MALRD1: variants seen among roughly 807,000 people sequenced by gnomAD.
MALRD1 encodes the protein MAM and LDL-receptor class A domain-containing protein 1.
Under a neutral mutation model 242.1 loss-of-function variants are expected in MALRD1, and 247 were observed. The observed-to-expected ratio is 1.02, with a 90% confidence interval of 0.92 to 1.13. The LOEUF (loss-of-function observed/expected upper bound fraction) is 1.13. Ranked by LOEUF, MALRD1 falls within the 50% of genes most tolerant of loss-of-function variation. MALRD1 has a pLI of 0.00. For synonymous variants in MALRD1, 995 were observed against 866.6 expected (o/e 1.15, Z -2.60); for missense variants, 2,989 against 2,533.1 (o/e 1.18, Z -3.86).
intron 38 of MALRD1, among the ~76,000 whole-genome samples, chr10:19,727,339 C>T (rs1214002620): frequency 1.3e-5 from 2 of 152,038 alleles, no homozygotes; most frequent in Non-Finnish European, 2.9e-5. Context: ...ATTATAAACA[C>T]TTCCATGCTT....
At chr10:19,385,080 G>C (rs1846021051) in intron 26 of MALRD1, among the ~76,000 whole-genome samples, 1 of 151,868 alleles carries the variant, frequency 6.6e-6, no homozygotes, top group African/African-American at 2.4e-5. Flanking sequence ...ATTTGCTGAT[G>C]TTAAACTATT....
intron 31 of MALRD1, among the ~76,000 whole-genome samples, chr10:19,502,231 A>G (rs948637128): frequency 6.6e-6 from 1 of 151,922 alleles, no homozygotes; most frequent in Non-Finnish European, 1.5e-5. Flanking sequence ...TCAATTTTAC[A>G]TTACTAAATA....
At position 19,156,926 on chromosome 10, in the gene MALRD1, A is replaced by G. The variant is rs549614971; in HGVS notation, c.1656+1754A>G. 1.4e-4 allele frequency among the ~76,000 whole-genome samples: 22 copies of G among 152,288 alleles called. No homozygotes were observed. In the South Asian group the frequency reaches 3.9e-3, roughly 27 times the overall value. On this transcript the variant is annotated intron_variant, in intron 12 of 39. Coordinates refer to ENST00000454679, the MANE Select transcript of MALRD1 (RefSeq NM_001142308.3). ...GGACATTTTGGGTGCTTGGTAGTTTATCTCAAAACCAAGGCTTCGATCTCT... is the reference window on the plus strand; with the variant it reads ...GGACATTTTGGGTGCTTGGTAGTTTGTCTCAAAACCAAGGCTTCGATCTCT...
intron 21 of MALRD1, among the ~76,000 whole-genome samples, chr10:19,309,827 C>A (rs1842355233): frequency 6.6e-6 from 1 of 151,266 alleles, no homozygotes; most frequent in South Asian, 2.1e-4. Context: ...TAATTAGGGC[C>A]CAGGCGGGAA....
At chr10:19,258,807 C>T (rs16918417) in intron 19 of MALRD1, among the ~76,000 whole-genome samples, 2,314 of 152,208 alleles carry the variant, frequency 0.015, 63 homozygotes, top group African/African-American at 0.053. Flanking sequence ...AACAAATTTA[C>T]CCTTACCTCT....
At chr10:19,134,922 T>C (rs1478674133) in intron 9 of MALRD1, among the ~76,000 whole-genome samples, 1 of 152,158 alleles carries the variant, frequency 6.6e-6, no homozygotes, top group Admixed American at 6.5e-5. Flanking sequence ...CTCAAATTGA[T>C]ATCATTTCTG....
At chr10:19,423,222 G>A (rs960096827) in intron 28 of MALRD1, among the ~76,000 whole-genome samples, 1 of 151,988 alleles carries the variant, frequency 6.6e-6, no homozygotes, top group South Asian at 2.1e-4. Flanking sequence ...CTAGGATATT[G>A]TACACACCTA....
At chr10:19,491,462 A>G (rs1837488723) in intron 29 of MALRD1, 55 bp from the exon 30 acceptor site, 26 of 1,528,056 alleles carry the variant, frequency 1.7e-5, no homozygotes, top group Non-Finnish European at 2.2e-5. Flanking sequence ...AGGAATCTTC[A>G]AGTCTAATGA....
intron 28 of MALRD1, among the ~76,000 whole-genome samples, chr10:19,420,046 C>T (rs1001958045): frequency 3.3e-5 from 5 of 152,246 alleles, no homozygotes; most frequent in African/African-American, 1.2e-4. Flanking sequence ...AGGCAAGATA[C>T]TTCTATAGAA....
Position 19,491,525 on chromosome 10 carries a change from ATC to A in MALRD1, c.5042_5043del (p.Ser1681Ter). 6.5e-7 allele frequency: 1 copy of A among 1,549,834 alleles called. No homozygotes were observed. Among genetic ancestry groups the A allele is most frequent in the Non-Finnish European group, 8.7e-7 (1 of 1,146,732 alleles). On this transcript the variant is annotated frameshift_variant, in exon 30 of 40. Coordinates refer to ENST00000454679, the MANE Select transcript of MALRD1 (RefSeq NM_001142308.3). LOFTEE classifies it high-confidence loss of function. The part of the protein sequence containing the change: ...EFKNCTTVGE[I>X]SELCPEITDF... ...TTTTTGTTTTTCCCTAGTGGGAGAG[ATC>A]TCTGAGCTTTGTCCGGAAATCACTG...
intron 29 of MALRD1, among the ~76,000 whole-genome samples, chr10:19,467,303 C>T (rs1474274648): frequency 1.4e-5 from 2 of 139,270 alleles, no homozygotes; most frequent in African/African-American, 2.5e-5. Flanking sequence ...TGCAGTGAGC[C>T]GAGATCGCGC....
At chr10:19,103,896 A>G (rs1836370637) in intron 4 of MALRD1, 83 bp from the exon 5 acceptor site, 1 of 765,192 alleles carries the variant, frequency 1.3e-6, no homozygotes, top group African/African-American at 1.8e-5. Context: ...TTCCTATTGC[A>G]GGCTCTCTTT....
At chr10:19,546,525 A>G (rs1589225164) in intron 32 of MALRD1, among the ~76,000 whole-genome samples, 1 of 152,176 alleles carries the variant, frequency 6.6e-6, no homozygotes, top group Non-Finnish European at 1.5e-5. Flanking sequence ...CAAGGAATCA[A>G]CCTGGCTCTT....
intron 18 of MALRD1, among the ~76,000 whole-genome samples, chr10:19,243,250 A>C (rs563343968): frequency 1.3e-5 from 2 of 151,922 alleles, no homozygotes; most frequent in South Asian, 4.2e-4. Context: ...CTTACATTAC[A>C]TCTTTATGAA....
intron 33 of MALRD1, among the ~76,000 whole-genome samples, chr10:19,573,599 A>T (rs1050261463): frequency 1.3e-5 from 2 of 152,124 alleles, no homozygotes; most frequent in African/African-American, 4.8e-5. Context: ...TAAAAAAGAA[A>T]AAATTTTCCT....
chr10:19,338,933 G>T (rs1030989339), intron 24 of MALRD1, among the ~76,000 whole-genome samples: 3 of 148,710 alleles, frequency 2.0e-5, no homozygotes, highest in African/African-American at 7.4e-5. Context: ...TATACTATAT[G>T]CTAGTATATA....
chr10:19,112,826 AAT>A (rs1210851067), intron 5 of MALRD1, among the ~76,000 whole-genome samples: 8 of 152,330 alleles, frequency 5.3e-5, no homozygotes, highest in African/African-American at 1.9e-4. Flanking sequence ...GAAAATCAAC[AAT>A]GTTTAGAAGT....
At chr10:19,434,784 C>G (rs1239442678) in intron 28 of MALRD1, among the ~76,000 whole-genome samples, 2 of 151,864 alleles carry the variant, frequency 1.3e-5, no homozygotes, top group African/African-American at 4.8e-5. Flanking sequence ...ATTAGGGCCA[C>G]ACATGTATAA....
chr10:19,164,751 T>A (rs1564434689), intron 12 of MALRD1, among the ~76,000 whole-genome samples: 1 of 152,194 alleles, frequency 6.6e-6, no homozygotes, highest in African/African-American at 2.4e-5. Context: ...CGCAATTTCA[T>A]GTTAGGGCTA....
Sources: allele counts gnomAD v4.1 joint callset (sites outside exome capture counted in the v4.1 genomes callset), GRCh38; gene constraint gnomAD v4.1.1; transcripts MANE v1.5; gene names NCBI Gene and HGNC (gene_info 2026-07-23, HGNC 2026-07-21).